The following MGMT variants were observed in gnomAD, a reference collection of about 807,000 sequenced individuals.
MGMT encodes the protein O-6-methylguanine-DNA methyltransferase.
A neutral mutation model predicts 15.9 loss-of-function variants in MGMT; 14 were observed. That is an observed-to-expected ratio of 0.88 (90% CI 0.58 to 1.37). The LOEUF is 1.37. Among genes scored for constraint, MGMT ranks in the 40% most tolerant of loss-of-function variants. The pLI, the probability that MGMT is intolerant of heterozygous loss-of-function variation, is 0.00. For synonymous variants in MGMT, 130 were observed against 118.2 expected, an observed-to-expected ratio of 1.10 and a Z score of -0.65; for missense variants, 282 against 268.1, an observed-to-expected ratio of 1.05 and a Z score of -0.36.
At chr10:129,750,733 C>A (rs1848742804) in intron 3 of MGMT, among the ~76,000 whole-genome samples, 4 of 152,068 alleles carry the variant, frequency 2.6e-5, no homozygotes, top group Admixed American at 1.3e-4. Flanking sequence ...CTAGAAGGGT[C>A]CTGGAACCAA....
At chr10:129,557,391 C>T (rs182175048) in intron 2 of MGMT, among the ~76,000 whole-genome samples, 1 of 152,114 alleles carries the variant, frequency 6.6e-6, no homozygotes, top group African/African-American at 2.4e-5. Context: ...GACTCTGGGT[C>T]CCTGTCAACT....
intron 1 of MGMT, among the ~76,000 whole-genome samples, chr10:129,491,801 T>G (rs1845471401): frequency 6.6e-6 from 1 of 152,106 alleles, no homozygotes; most frequent in African/African-American, 2.4e-5. Context: ...TAATATATAT[T>G]TTAATTCTAT....
At chr10:129,642,427 C>T (rs542998174) in intron 2 of MGMT, among the ~76,000 whole-genome samples, 1 of 151,848 alleles carries the variant, frequency 6.6e-6, no homozygotes, top group Non-Finnish European at 1.5e-5. Flanking sequence ...AAACATTCCA[C>T]CTGAATTTTT....
At chr10:129,710,654 TG>T (rs1848222356) in intron 3 of MGMT, among the ~76,000 whole-genome samples, 1 of 152,216 alleles carries the variant, frequency 6.6e-6, no homozygotes, top group Non-Finnish European at 1.5e-5. Context: ...CGCCCCTCTC[TG>T]TCTGGCATGA....
chr10:129,567,195 C>T (rs1329205656), intron 2 of MGMT, among the ~76,000 whole-genome samples: 1 of 152,152 alleles, frequency 6.6e-6, no homozygotes, highest in Non-Finnish European at 1.5e-5. Flanking sequence ...GGTCATCGGC[C>T]AGACCCATCC....
intron 1 of MGMT, among the ~76,000 whole-genome samples, chr10:129,494,876 T>C (rs565019164): frequency 6.6e-6 from 1 of 152,310 alleles, no homozygotes; most frequent in South Asian, 2.1e-4. Context: ...GGAACTCCTT[T>C]TTGGGATGTC....
chr10:129,616,784 A>G (rs1564738324), intron 2 of MGMT, among the ~76,000 whole-genome samples: 1 of 152,112 alleles, frequency 6.6e-6, no homozygotes, highest in Non-Finnish European at 1.5e-5. Flanking sequence ...AGGAAAGAAC[A>G]TGCCCCACTG....
intron 2 of MGMT, among the ~76,000 whole-genome samples, chr10:129,601,706 A>G (rs1589888208): frequency 6.6e-6 from 1 of 152,316 alleles, no homozygotes. Flanking sequence ...AGTCACTTTA[A>G]TTTGGTCCAA....
At chr10:129,712,708 C>T (rs373243421) in intron 3 of MGMT, among the ~76,000 whole-genome samples, 4 of 152,066 alleles carry the variant, frequency 2.6e-5, no homozygotes, top group Non-Finnish European at 4.4e-5. Context: ...GAGAGGATGA[C>T]GAGGGAGGAG....
intron 2 of MGMT, among the ~76,000 whole-genome samples, chr10:129,645,222 C>G (rs1242617398): frequency 6.7e-6 from 1 of 150,328 alleles, no homozygotes; most frequent in Non-Finnish European, 1.5e-5. Context: ...TGGGTTCAAG[C>G]GATTCTGCTG....
chr10:129,553,668 CAG>C (rs370422232), intron 2 of MGMT, among the ~76,000 whole-genome samples: 50 of 152,272 alleles, frequency 3.3e-4, no homozygotes, highest in African/African-American at 1.2e-3. Flanking sequence ...CTGCGGGAGA[CAG>C]AGATGGTGGC....
Position 129,767,324 on chromosome 10 carries a change from G to A in MGMT, c.*327G>A, listed in dbSNP as rs181856171. On this transcript the variant is annotated 3_prime_UTR_variant, in exon 5 of 5. Transcript: ENST00000651593. ...CAGGCCACAGACGGCTGCCATAGCC[G>A]CTGTCCAGGGCCAGCTAAGGCCCAT... 235 of 205,854 alleles carry A rather than the reference G, an allele frequency of 1.1e-3. 1 individual carries two copies. The highest frequency in any genetic ancestry group is 5.0e-3 in the African/African-American group (215 of 43,100). 12.8% of individuals were successfully genotyped at this position (205,854 alleles called of 1,614,324 possible). A position where few individuals can be genotyped will look rare whatever the true frequency, so the allele number is the denominator to read the frequency against.
At chr10:129,511,619 A>G (rs1845684565) in intron 1 of MGMT, among the ~76,000 whole-genome samples, 1 of 152,204 alleles carries the variant, frequency 6.6e-6, no homozygotes, top group South Asian at 2.1e-4. Context: ...TGTTTTGTTT[A>G]ACACAGCCAT....
chr10:129,694,700 G>A (rs1012601456), intron 2 of MGMT, among the ~76,000 whole-genome samples: 11 of 152,102 alleles, frequency 7.2e-5, no homozygotes, highest in African/African-American at 2.7e-4. Context: ...GCTGGGTAGA[G>A]TTTTGCTTGG....
At chr10:129,710,101 C>T (rs866120813) in intron 3 of MGMT, among the ~76,000 whole-genome samples, 1 of 152,222 alleles carries the variant, frequency 6.6e-6, no homozygotes, top group African/African-American at 2.4e-5. Flanking sequence ...GCCACACCTA[C>T]CCCTGCCTCC....
chr10:129,733,683 A>G (rs1848528432), intron 3 of MGMT, among the ~76,000 whole-genome samples: 2 of 152,058 alleles, frequency 1.3e-5, no homozygotes, highest in African/African-American at 4.8e-5. Context: ...TAGGTTTTTT[A>G]TGGTTTTAGG....
At chr10:129,607,432 C>T (rs1340564304) in intron 2 of MGMT, among the ~76,000 whole-genome samples, 1 of 152,074 alleles carries the variant, frequency 6.6e-6, no homozygotes, top group African/African-American at 2.4e-5. Context: ...ACTCTGTGAC[C>T]ATTAAGTAAT....
At chr10:129,665,525 A>G (rs1228364477) in intron 2 of MGMT, among the ~76,000 whole-genome samples, 1 of 152,022 alleles carries the variant, frequency 6.6e-6, no homozygotes, top group Admixed American at 6.6e-5. Flanking sequence ...GAAGCCAGAC[A>G]CTGAGATGAC....
intron 1 of MGMT, among the ~76,000 whole-genome samples, chr10:129,500,967 G>A (rs1845568524): frequency 6.6e-6 from 1 of 152,202 alleles, no homozygotes; most frequent in Non-Finnish European, 1.5e-5. Context: ...AAACTAGATA[G>A]AATTACAGAG....
Sources: allele counts gnomAD v4.1 joint callset (sites outside exome capture counted in the v4.1 genomes callset), GRCh38; gene constraint gnomAD v4.1.1; transcripts MANE v1.5; gene names NCBI Gene and HGNC (gene_info 2026-07-23, HGNC 2026-07-21).